Variants in PIK3C3 observed in about 807,000 individuals in gnomAD.
The protein encoded by PIK3C3 is phosphatidylinositol 3-kinase catalytic subunit type 3, also known as PI3-kinase type 3.
A neutral mutation model predicts 126.1 loss-of-function variants in PIK3C3; 95 were observed. That is an observed-to-expected ratio of 0.75 (90% CI 0.64 to 0.89). PIK3C3 has a LOEUF of 0.89. Ranked by LOEUF, PIK3C3 falls within the 40% of genes least tolerant of loss-of-function variation. The pLI is 0.00. For missense variants in PIK3C3, 829 were observed against 1,063.2 expected, an observed-to-expected ratio of 0.78 and a Z score of 3.06; for synonymous variants, 374 against 360.0, an observed-to-expected ratio of 1.04 and a Z score of -0.44.
chr18:42,011,270 G>A (rs2144398541), intron 10 of PIK3C3, among the ~76,000 whole-genome samples: 2 of 152,224 alleles, frequency 1.3e-5, no homozygotes, highest in Non-Finnish European at 2.9e-5. Context: ...AGTCTTAGAT[G>A]GTGTCTTATT....
At chr18:42,037,898 G>T in intron 17 of PIK3C3, 78 bp downstream of exon 17, 1 of 1,292,020 alleles carries the variant, frequency 7.7e-7, no homozygotes, top group Non-Finnish European at 1.1e-6. Context: ...GCTGTTTATG[G>T]AACAGAAGTA....
chr18:41,993,367 G>T (rs1201480092), intron 7 of PIK3C3, 26 bp downstream of exon 7: 1 of 1,468,070 alleles, frequency 6.8e-7, no homozygotes, highest in South Asian at 1.2e-5. Flanking sequence ...ATTTTTTTAT[G>T]AAAGTACTTT....
chr18:41,956,548 C>CTTTTTT lies in PIK3C3; in HGVS notation c.69-1005_69-1000dup, dbSNP rs57601171. Reference sequence around the variant, plus strand: ...AAGAAAAAGCCAAAAAAACCGGTCCCTTTTTTTTTTTTTTTTTTTTTTGGA... The same window carrying CTTTTTT: ...AAGAAAAAGCCAAAAAAACCGGTCCCTTTTTTTTTTTTTTTTTTTTTTTTTTTTGGA... On this transcript the variant is annotated intron_variant, in intron 1 of 24. Transcript: ENST00000262039. Among the ~76,000 whole-genome samples the CTTTTTT allele has an allele frequency of 8.4e-3, 840 of 100,236 alleles. 30 individuals carry two copies. Among genetic ancestry groups the CTTTTTT allele is most frequent in the African/African-American group, 0.033 (800 of 23,954 alleles). The allele number at this position is 100,236 out of a possible 152,430, so 65.8% of individuals were successfully genotyped here. A position where few individuals can be genotyped will look rare whatever the true frequency, so the allele number is the denominator to read the frequency against.
At chr18:42,023,880 G>T (rs1003322288) in intron 13 of PIK3C3, among the ~76,000 whole-genome samples, 2 of 152,104 alleles carry the variant, frequency 1.3e-5, no homozygotes, top group African/African-American at 4.8e-5. Context: ...TCCCTTTCTG[G>T]TGATTTAAAC....
chr18:42,031,342 C>T (rs1039592129), intron 15 of PIK3C3, among the ~76,000 whole-genome samples: 1 of 152,072 alleles, frequency 6.6e-6, no homozygotes, highest in Non-Finnish European at 1.5e-5. Context: ...TTCTTTCCTT[C>T]GTTGATCTCT....
intron 2 of PIK3C3, among the ~76,000 whole-genome samples, 157 bp downstream of exon 2, chr18:41,957,915 A>G (rs1476332708): frequency 1.3e-5 from 2 of 152,236 alleles, no homozygotes; most frequent in African/African-American, 4.8e-5. Flanking sequence ...ATAAAGTATT[A>G]TGCATGTCAG....
In PIK3C3 at chr18:42,054,168, A is replaced by C. The variant is rs1479461482; in HGVS notation, c.2264-3715A>C. Among the ~76,000 whole-genome samples the C allele has an allele frequency of 7.4e-4, 37 of 49,718 alleles. 3 individuals are homozygous for C. The highest frequency in any genetic ancestry group is 5.4e-3 in the East Asian group (10 of 1,846). The allele number at this position is 49,718 out of a possible 152,430, so 32.6% of individuals were successfully genotyped here. ...TATATATATATATATATATATATAT[A>C]TATATATATATATATATATATATAA... On this transcript the variant is annotated intron_variant, in intron 21 of 24. Transcript: ENST00000262039.
In PIK3C3 at chr18:41,955,283, G is replaced by A. The variant is rs1469239149; in HGVS notation, c.-9G>A. ...TCCCGCTGTAGGTGGTACCTTTGCA[G>A]ACGGTGCGATGGGGGAAGCAGAGAA... is the stretch of plus-strand genomic sequence containing the variant. On this transcript the variant is annotated 5_prime_UTR_variant, in exon 1 of 25. Coordinates refer to ENST00000262039, the MANE Select transcript of PIK3C3 (RefSeq NM_002647.4). The A allele has an allele frequency of 6.2e-7, 1 of 1,612,140 alleles. No homozygotes were observed. Among genetic ancestry groups the A allele is most frequent in the Non-Finnish European group, 8.5e-7 (1 of 1,178,850 alleles).
chr18:41,955,376 G>T lies in PIK3C3; in HGVS notation c.68+17G>T. 3.1e-6 allele frequency: 5 copies of T among 1,607,072 alleles called. No individual in the cohort carries two copies. The South Asian group carries it at 3.3e-5, about 11-fold the overall frequency. ...GCTTAAGATGTAAGAGAACACTCGG[G>T]ACAGGGAGTGGGATTGCTGGGGCGT... On this transcript the variant is annotated intron_variant, in intron 1 of 24. Transcript: ENST00000262039.
chr18:42,079,546 C>T (rs192387428), intron 24 of PIK3C3, among the ~76,000 whole-genome samples: 8 of 151,014 alleles, frequency 5.3e-5, no homozygotes, highest in African/African-American at 1.5e-4. Context: ...GATAGACTTG[C>T]GCAAGCAGAG....
chr18:42,015,479 C>G lies in PIK3C3; in HGVS notation c.1329C>G (p.Ser443=), dbSNP rs1323338804. The G allele has an allele frequency of 6.2e-7, 1 of 1,612,862 alleles. No homozygotes were observed. Among genetic ancestry groups the G allele is most frequent in the Admixed American group, 1.7e-5 (1 of 59,972 alleles). ...SGINSAEIDS[S]QIITSPLPSV... ...ATCTCTTTTATTACTTTTTCAGCTC[C>G]CAAATTATAACCAGCCCCCTTCCTT... Residue 443 remains serine, a synonymous_variant, in exon 12 of 25, where the codon TCC becomes TCG. Transcript: ENST00000262039.
chr18:42,043,804 C>A lies in PIK3C3; in HGVS notation c.2175C>A (p.Tyr725Ter), dbSNP rs748610547. Reference sequence around the variant, plus strand: ...TTAGTGCTGAGGTCATGGACACTTACGTTAAAAGCTGTGGTAAGTTTTTCA... The same window carrying A: ...TTAGTGCTGAGGTCATGGACACTTAAGTTAAAAGCTGTGGTAAGTTTTTCA... ...NGISAEVMDT[Y>*]VKSCAGYCVI... Residue 725 changes from tyrosine to a stop codon, truncating the protein, a stop_gained, in exon 20 of 25, where the codon TAC becomes TAA. Coordinates refer to ENST00000262039, the MANE Select transcript of PIK3C3 (RefSeq NM_002647.4). LOFTEE classifies it high-confidence loss of function. 3 of 1,611,086 alleles carry A rather than the reference C, an allele frequency of 1.9e-6. No individual in the cohort carries two copies. The highest frequency in any genetic ancestry group is 2.2e-5 in the East Asian group (1 of 44,816).
At position 41,962,580 on chromosome 18, in the gene PIK3C3, G is replaced by A. The variant is rs750067845; in HGVS notation, c.349G>A (p.Gly117Arg). The part of the protein sequence containing the change: ...ALTIWDVYGP[G>R]KAVPVGGTTV... ...CACCATATGGGATGTGTATGGTCCC[G>A]GAAAAGCAGTGCCTGTAGGAGGAAC... Residue 117 changes from glycine (G) to arginine (R), a missense_variant, in exon 3 of 25, where the codon GGA becomes AGA. Transcript: ENST00000262039. 1.4e-5 allele frequency: 22 copies of A among 1,613,330 alleles called. No individual in the cohort carries two copies. Among genetic ancestry groups the A allele is most frequent in the South Asian group, 3.3e-5 (3 of 91,000 alleles).
intron 24 of PIK3C3, 140 bp from the exon 25 acceptor site, chr18:42,080,983 A>G (rs999256568): frequency 1.8e-5 from 10 of 557,878 alleles, no homozygotes; most frequent in Non-Finnish European, 3.2e-5. Flanking sequence ...GTTAATTGCA[A>G]TCCTCTTGGT....
chr18:42,041,230 A>C (rs1055429566), intron 19 of PIK3C3, among the ~76,000 whole-genome samples: 1 of 152,130 alleles, frequency 6.6e-6, no homozygotes, highest in Non-Finnish European at 1.5e-5. Flanking sequence ...TTGGTGAACA[A>C]ATTAAAATTT....
chr18:41,964,610 T>C (rs1189180513), intron 3 of PIK3C3, among the ~76,000 whole-genome samples: 1 of 152,136 alleles, frequency 6.6e-6, no homozygotes, highest in African/African-American at 2.4e-5. Context: ...TAGGATAGTA[T>C]TATAAAATGT....
In PIK3C3 at chr18:42,083,607, C is replaced by T. The variant is rs1185311544; in HGVS notation, c.*2470C>T. ...CTCATTTGTATTATTGAGTTTTCAGCTGGGTATATATTATAATAACAGTCA... is the reference window on the plus strand; with the variant it reads ...CTCATTTGTATTATTGAGTTTTCAGTTGGGTATATATTATAATAACAGTCA... On this transcript the variant is annotated 3_prime_UTR_variant, in exon 25 of 25. Transcript: ENST00000262039. 2 of 152,086 alleles carry T rather than the reference C, an allele frequency of 1.3e-5. No homozygotes were observed. The highest frequency in any genetic ancestry group is 4.8e-5 in the African/African-American group (2 of 41,398). The allele number at this position is 152,086 out of a possible 1,614,324, so 9.4% of individuals were successfully genotyped here. A position where few individuals can be genotyped will look rare whatever the true frequency, so the allele number is the denominator to read the frequency against.
chr18:42,028,462 A>G (rs1323401461), intron 14 of PIK3C3, among the ~76,000 whole-genome samples: 1 of 152,238 alleles, frequency 6.6e-6, no homozygotes, highest in Non-Finnish European at 1.5e-5. Context: ...GCTACCACAC[A>G]TTAATCTGTG....
At position 41,979,895 on chromosome 18, in the gene PIK3C3, T is replaced by TATC. The variant is rs1555672727; in HGVS notation, c.532-7915_532-7914insCAT. On this transcript the variant is annotated intron_variant, in intron 4 of 24. Transcript: ENST00000262039. ...ATGCCATTATTATTATTATTATTAT[T>TATC]ATTATTATTAGCTATTCTGAAAAGG... 6.0e-3 allele frequency among the ~76,000 whole-genome samples: 898 copies of TATC among 149,728 alleles called. 31 individuals carry two copies. The East Asian group carries it at 0.11, about 18-fold the overall frequency.
Sources: allele counts gnomAD v4.1 joint callset (sites outside exome capture counted in the v4.1 genomes callset), GRCh38; gene constraint gnomAD v4.1.1; transcripts MANE v1.5; gene names NCBI Gene and HGNC (gene_info 2026-07-23, HGNC 2026-07-21).